The following CEP85L variants were observed in gnomAD, a reference collection of about 807,000 sequenced individuals.
CEP85L encodes centrosomal protein 85L.
CEP85L carries 60 observed loss-of-function variants against 100.3 expected under a neutral mutation model. The ratio of observed to expected loss-of-function variants is 0.60; its 90% confidence interval spans 0.49 to 0.74. The LOEUF (loss-of-function observed/expected upper bound fraction) is 0.74, where lower values mean the gene tolerates loss of function less well. Among genes scored for constraint, CEP85L ranks in the 30% least tolerant of loss-of-function variants. The probability of loss-of-function intolerance (pLI) is 0.00; values close to 1 mark genes in which losing one functional copy is unlikely to be tolerated. For missense variants in CEP85L, 973 were observed against 936.2 expected (o/e 1.04, Z -0.51); for synonymous variants, 319 against 322.7 (o/e 0.99, Z 0.12).
chr6:118,681,957 C>T (rs1776676953), intron 1 of CEP85L, among the ~76,000 whole-genome samples: 1 of 152,034 alleles, frequency 6.6e-6, no homozygotes, highest in South Asian at 2.1e-4. Context: ...CCAGGCTGGT[C>T]TCAAACTCCT....
At chr6:118,537,755 C>G (rs1326596774) in intron 3 of CEP85L, 2 of 985,214 alleles carry the variant, frequency 2.0e-6, no homozygotes, top group East Asian at 1.1e-4. Context: ...TAATCCAGTG[C>G]TACCACACTT....
chr6:118,706,003 T>A (rs888858250), intron 1 of CEP85L, among the ~76,000 whole-genome samples: 6 of 152,210 alleles, frequency 3.9e-5, no homozygotes, highest in African/African-American at 1.4e-4. Context: ...CAGTGAGCAC[T>A]GTGCTAATTG....
chr6:118,513,504 A>G (rs527511004), intron 4 of CEP85L, among the ~76,000 whole-genome samples: 2 of 152,274 alleles, frequency 1.3e-5, no homozygotes, highest in South Asian at 4.1e-4. Context: ...GAGGATGGCA[A>G]ATTTCTCAAC....
At chr6:118,609,801 T>C (rs940323671) in intron 2 of CEP85L, among the ~76,000 whole-genome samples, 1 of 152,098 alleles carries the variant, frequency 6.6e-6, no homozygotes, top group African/African-American at 2.4e-5. Context: ...ACAGAAACCT[T>C]AACTGACAGT....
At chr6:118,517,711 T>C (rs185959089) in intron 4 of CEP85L, among the ~76,000 whole-genome samples, 1 of 152,382 alleles carries the variant, frequency 6.6e-6, no homozygotes, top group East Asian at 1.9e-4. Flanking sequence ...CCTCTCTTCC[T>C]ATCTGAATAC....
intron 6 of CEP85L, among the ~76,000 whole-genome samples, chr6:118,486,459 G>C (rs1000805542): frequency 1.3e-5 from 2 of 152,112 alleles, no homozygotes; most frequent in African/African-American, 4.8e-5. Context: ...GAACTCAAAG[G>C]TAACATTATT....
chr6:118,661,987 G>T (rs2115408350), intron 1 of CEP85L, among the ~76,000 whole-genome samples: 1 of 152,278 alleles, frequency 6.6e-6, no homozygotes, highest in East Asian at 1.9e-4. Flanking sequence ...CTCCCTACTG[G>T]CTTATCATTG....
intron 2 of CEP85L, among the ~76,000 whole-genome samples, chr6:118,606,332 G>T (rs977358621): frequency 6.6e-6 from 1 of 152,196 alleles, no homozygotes; most frequent in Admixed American, 6.5e-5. Flanking sequence ...CGGAGGAGAA[G>T]AGAATAGACA....
At chr6:118,513,647 A>G (rs1237147313) in intron 4 of CEP85L, among the ~76,000 whole-genome samples, 1 of 152,116 alleles carries the variant, frequency 6.6e-6, no homozygotes, top group Non-Finnish European at 1.5e-5. Flanking sequence ...CTGTTAACCT[A>G]TAATACTTCA....
At chr6:118,631,611 A>G (rs2115318968) in intron 2 of CEP85L, among the ~76,000 whole-genome samples, 1 of 152,352 alleles carries the variant, frequency 6.6e-6, no homozygotes, top group South Asian at 2.1e-4. Flanking sequence ...TATTCTCTCC[A>G]ATACCACCAT....
At chr6:118,518,516 G>A (rs141405558) in intron 4 of CEP85L, among the ~76,000 whole-genome samples, 53 of 152,248 alleles carry the variant, frequency 3.5e-4, no homozygotes, top group East Asian at 7.7e-4. Context: ...GTTTATTTGC[G>A]TAAAGGTGTT....
At chr6:118,611,561 T>C (rs1346295346) in intron 2 of CEP85L, among the ~76,000 whole-genome samples, 2 of 152,130 alleles carry the variant, frequency 1.3e-5, no homozygotes, top group East Asian at 1.9e-4. Flanking sequence ...AAGATAGAAA[T>C]TGGCACAGCA....
At chr6:118,565,211 C>T (rs898650197) in intron 3 of CEP85L, 15 of 307,666 alleles carry the variant, frequency 4.9e-5, no homozygotes, top group African/African-American at 2.8e-4. Flanking sequence ...TTCTATTATA[C>T]CTATGCTAGC....
intron 5 of CEP85L, among the ~76,000 whole-genome samples, chr6:118,498,241 C>G (rs1775047129): frequency 6.6e-6 from 1 of 152,218 alleles, no homozygotes; most frequent in Admixed American, 6.5e-5. Context: ...TGCCTGTAAT[C>G]CCAGTACTTT....
At chr6:118,658,252 A>G (rs943939082) in intron 1 of CEP85L, among the ~76,000 whole-genome samples, 18 of 152,246 alleles carry the variant, frequency 1.2e-4, no homozygotes, top group African/African-American at 4.3e-4. Context: ...AATAATACAT[A>G]TAAAAAACAA....
At chr6:118,542,541 A>T (rs1250421126) in intron 3 of CEP85L, among the ~76,000 whole-genome samples, 2 of 152,168 alleles carry the variant, frequency 1.3e-5, no homozygotes, top group Admixed American at 6.5e-5. Flanking sequence ...TTAGAAATTA[A>T]TTCGATCTGC....
At chr6:118,494,516 C>T (rs942072243) in intron 5 of CEP85L, among the ~76,000 whole-genome samples, 36 of 152,142 alleles carry the variant, frequency 2.4e-4, no homozygotes, top group African/African-American at 8.7e-4. Flanking sequence ...GGTTAATACA[C>T]AAATCAAGCT....
At chr6:118,478,151 A>AC (rs1429607949) in intron 10 of CEP85L, among the ~76,000 whole-genome samples, 2 of 152,102 alleles carry the variant, frequency 1.3e-5, no homozygotes, top group African/African-American at 4.8e-5. Context: ...TATTTTTTCA[A>AC]CCCAAAGTGT....
intron 6 of CEP85L, among the ~76,000 whole-genome samples, chr6:118,485,157 A>G (rs1209490320): frequency 2.0e-5 from 3 of 152,192 alleles, no homozygotes; most frequent in African/African-American, 7.2e-5. Context: ...TCTCATAGTC[A>G]AAGCTCTTTC....
Sources: allele counts gnomAD v4.1 joint callset (sites outside exome capture counted in the v4.1 genomes callset), GRCh38; gene constraint gnomAD v4.1.1; transcripts MANE v1.5; gene names NCBI Gene and HGNC (gene_info 2026-07-23, HGNC 2026-07-21).